The following EVI5 variants were observed in gnomAD, a reference collection of about 807,000 sequenced individuals.
EVI5 encodes the protein ecotropic viral integration site 5, also known as ecotropic viral integration site 5 protein homolog.
A neutral mutation model predicts 112.0 loss-of-function variants in EVI5; 73 were observed. The ratio of observed to expected loss-of-function variants is 0.65; its 90% CI spans 0.54 to 0.79. EVI5 has a LOEUF of 0.79. EVI5 is among the 30% of genes least tolerant of loss of function. EVI5 has a pLI of 0.00. For missense variants in EVI5, 900 were observed against 968.8 expected, an observed-to-expected ratio of 0.93 and a Z score of 0.94; for synonymous variants, 305 against 319.9, an observed-to-expected ratio of 0.95 and a Z score of 0.50.
intron 15 of EVI5, among the ~76,000 whole-genome samples, chr1:92,625,314 T>C (rs1034765679): frequency 1.4e-4 from 22 of 152,212 alleles, no homozygotes; most frequent in Admixed American, 1.2e-3. Context: ...AGAATATGTA[T>C]TTTGTTCCTT....
chr1:92,520,964 C>CTTTT (rs375289358), intron 19 of EVI5, among the ~76,000 whole-genome samples: 1 of 142,276 alleles, frequency 7.0e-6, no homozygotes, highest in South Asian at 2.3e-4. Flanking sequence ...GCTGCTTCTT[C>CTTTT]TTTTTTTTTT....
At chr1:92,615,005 A>G (rs952755665) in intron 16 of EVI5, among the ~76,000 whole-genome samples, 3 of 151,576 alleles carry the variant, frequency 2.0e-5, no homozygotes, top group Admixed American at 2.0e-4. Context: ...GAGTTCTTAA[A>G]TTGGTTTGGG....
At chr1:92,524,303 T>C (rs1170721210) in intron 19 of EVI5, among the ~76,000 whole-genome samples, 1 of 152,142 alleles carries the variant, frequency 6.6e-6, no homozygotes, top group African/African-American at 2.4e-5. Flanking sequence ...ATTGACTATA[T>C]TAGACCATGT....
chr1:92,771,808 T>G (rs1021768319), intron 1 of EVI5, among the ~76,000 whole-genome samples: 11 of 151,796 alleles, frequency 7.2e-5, no homozygotes, highest in African/African-American at 2.4e-4. Context: ...TACTTTACTG[T>G]GTGTTTTACC....
chr1:92,677,029 C>G, intron 10 of EVI5, 129 bp downstream of exon 10: 1 of 627,014 alleles, frequency 1.6e-6, no homozygotes, highest in South Asian at 2.2e-5. Context: ...TTTGAAATGT[C>G]TATTTTTAAC....
intron 13 of EVI5, among the ~76,000 whole-genome samples, chr1:92,645,509 C>T (rs919178762): frequency 6.6e-6 from 1 of 152,174 alleles, no homozygotes; most frequent in Admixed American, 6.5e-5. Context: ...TACACAGCAA[C>T]CTACTTTGGC....
intron 10 of EVI5, among the ~76,000 whole-genome samples, chr1:92,674,448 C>T (rs1301499806): frequency 3.3e-5 from 5 of 152,108 alleles, no homozygotes; most frequent in Non-Finnish European, 5.9e-5. Context: ...GAATACCAAA[C>T]ACCACATGTT....
In EVI5 at chr1:92,757,820, T is replaced by C. The variant is rs1681175131; in HGVS notation, c.-81-21193A>G. On this transcript the variant is annotated intron_variant, in intron 1 of 19. Transcript: ENST00000684568. ...AGCAGGCTGAGGCATAAGAATCACT[T>C]GAACCCGGGAGGCAGAGGTTGCAGT... 2.0e-5 allele frequency among the ~76,000 whole-genome samples: 3 copies of C among 147,126 alleles called. No homozygotes were observed. In the South Asian group the frequency reaches 6.4e-4, roughly 31 times the overall value.
intron 5 of EVI5, among the ~76,000 whole-genome samples, chr1:92,699,279 G>C (rs955499389): frequency 3.3e-5 from 5 of 151,990 alleles, no homozygotes; most frequent in Non-Finnish European, 1.5e-5. Context: ...CAAATCCCAG[G>C]ACTCTCATCC....
At chr1:92,750,598 TATC>T (rs1680026598) in intron 1 of EVI5, among the ~76,000 whole-genome samples, 1 of 152,192 alleles carries the variant, frequency 6.6e-6, no homozygotes, top group African/African-American at 2.4e-5. Context: ...TGAACTTTCC[TATC>T]ATCCCCAGAT....
chr1:92,534,659 T>C (rs1200057091), intron 19 of EVI5, among the ~76,000 whole-genome samples: 3 of 152,062 alleles, frequency 2.0e-5, no homozygotes, highest in African/African-American at 7.2e-5. Flanking sequence ...TTGACAAACC[T>C]GACAAAAACC....
chr1:92,751,939 C>G (rs972134432), intron 1 of EVI5, among the ~76,000 whole-genome samples: 1 of 152,050 alleles, frequency 6.6e-6, no homozygotes, highest in Non-Finnish European at 1.5e-5. Flanking sequence ...TTGCTTGAAC[C>G]CAGGGGGCGG....
intron 18 of EVI5, among the ~76,000 whole-genome samples, chr1:92,564,184 T>C (rs1230128369): frequency 6.6e-6 from 1 of 152,142 alleles, no homozygotes; most frequent in Non-Finnish European, 1.5e-5. Context: ...TAAAAATGCT[T>C]AATAAAGGTT....
At chr1:92,786,777 T>A (rs1002772303), upstream of EVI5, among the ~76,000 whole-genome samples, 1 of 151,962 alleles carries the variant, frequency 6.6e-6, no homozygotes, top group Non-Finnish European at 1.5e-5. Context: ...CCCTCCTAAC[T>A]AACCAAGCCC....
chr1:92,615,503 G>A (rs1260890210), intron 16 of EVI5, among the ~76,000 whole-genome samples: 3 of 152,170 alleles, frequency 2.0e-5, no homozygotes, highest in Non-Finnish European at 2.9e-5. Flanking sequence ...TTGGAATGGG[G>A]ACATGTGGGA....
At chr1:92,561,554 A>ATCTATCTAC (rs1557789296) in intron 19 of EVI5, among the ~76,000 whole-genome samples, 2 of 127,582 alleles carry the variant, frequency 1.6e-5, no homozygotes, top group African/African-American at 6.2e-5. Flanking sequence ...GATGAGACTG[A>ATCTATCTAC]CTATCTATCT....
chr1:92,710,173 T>C (rs1194466046), intron 2 of EVI5, among the ~76,000 whole-genome samples: 1 of 142,792 alleles, frequency 7.0e-6, no homozygotes, highest in Non-Finnish European at 1.5e-5. Context: ...AGAAACCCCA[T>C]CTCTACTAAA....
chr1:92,744,232 G>A (rs1194643592), intron 1 of EVI5, among the ~76,000 whole-genome samples: 2 of 152,156 alleles, frequency 1.3e-5, no homozygotes, highest in Non-Finnish European at 2.9e-5. Context: ...CCCAGAATGT[G>A]GTTAATCTTG....
At chr1:92,516,720 T>G (rs1557694947) in intron 19 of EVI5, among the ~76,000 whole-genome samples, 3 of 152,146 alleles carry the variant, frequency 2.0e-5, no homozygotes, top group Admixed American at 2.0e-4. Context: ...GAAAGGGGTT[T>G]GGCTAGAAGA....
Sources: allele counts gnomAD v4.1 joint callset (sites outside exome capture counted in the v4.1 genomes callset), GRCh38; gene constraint gnomAD v4.1.1; transcripts MANE v1.5; gene names NCBI Gene and HGNC (gene_info 2026-07-23, HGNC 2026-07-21).